FCHSD2: variants seen among roughly 807,000 people sequenced by gnomAD.
FCHSD2 encodes FCH and double SH3 domains 2, also known as F-BAR and double SH3 domains protein 2.
Under a neutral mutation model 108.1 loss-of-function variants are expected in FCHSD2, and 38 were observed. The observed-to-expected ratio is 0.35, with a 90% CI of 0.27 to 0.46. The LOEUF is 0.46. Ranked by LOEUF, FCHSD2 falls within the 20% of genes least tolerant of loss-of-function variation. FCHSD2 has a pLI of 1.00. For missense variants in FCHSD2, 751 were observed against 897.8 expected (o/e 0.84, Z 2.09); for synonymous variants, 279 against 314.7 (o/e 0.89, Z 1.20).
At chr11:73,090,751 A>G (rs569707734) in intron 2 of FCHSD2, among the ~76,000 whole-genome samples, 10 of 152,194 alleles carry the variant, frequency 6.6e-5, no homozygotes, top group Non-Finnish European at 1.3e-4. Flanking sequence ...CATATATATA[A>G]TGCATGTTTT....
intron 13 of FCHSD2, among the ~76,000 whole-genome samples, chr11:72,854,731 G>A (rs1404422504): frequency 1.3e-5 from 2 of 152,224 alleles, no homozygotes; most frequent in Non-Finnish European, 1.5e-5. Flanking sequence ...TTTGAGGTAT[G>A]CAGAGTAGTC....
In FCHSD2 at chr11:72,887,346, C is replaced by A. The variant is rs55669705; in HGVS notation, c.1146+124G>T. 4,451 of 649,044 alleles carry A rather than the reference C, an allele frequency of 6.9e-3. 152 individuals are homozygous for A. The African/African-American group carries it at 0.076, about 11-fold the overall frequency. 40.2% of individuals were successfully genotyped at this position (649,044 alleles called of 1,614,324 possible). A position where few individuals can be genotyped will look rare whatever the true frequency, so the allele number is the denominator to read the frequency against. On this transcript the variant is annotated intron_variant, in intron 12 of 19. Coordinates refer to ENST00000409418, the MANE Select transcript of FCHSD2 (RefSeq NM_014824.3). ...TACTCAACAAATACTACTGTGGACA[C>A]GAATGAAGACGGTGAATCACCTTCA...
chr11:72,915,457 T>G (rs1041865993), intron 9 of FCHSD2, among the ~76,000 whole-genome samples: 2 of 152,196 alleles, frequency 1.3e-5, no homozygotes, highest in Non-Finnish European at 2.9e-5. Context: ...TTATGTTCAT[T>G]GCAGCACCAT....
At position 72,849,854 on chromosome 11, in the gene FCHSD2, C is replaced by T. The variant is rs1861235882; in HGVS notation, c.1344G>A (p.Glu448=). ...NADTEREEGE[E]FEDNMDVFDD... ...CGAAAACATCCATGTTATCTTCAAA[C>T]TCTTCGCCTTCTTCTCTTTCGGTAT... The change falls in exon 14 of 20, where the codon GAG becomes GAA. Residue 448 remains glutamate (E), a synonymous_variant. Coordinates refer to ENST00000409418, the MANE Select transcript of FCHSD2 (RefSeq NM_014824.3). 1.2e-6 allele frequency: 2 copies of T among 1,613,334 alleles called. No individual in the cohort carries two copies. The highest frequency in any genetic ancestry group is 1.3e-5 in the African/African-American group (1 of 74,902).
At chr11:72,859,163 C>T (rs1442665233) in intron 13 of FCHSD2, among the ~76,000 whole-genome samples, 1 of 152,044 alleles carries the variant, frequency 6.6e-6, no homozygotes. Flanking sequence ...TGCCAGTTAC[C>T]CAGTCAACCA....
intron 8 of FCHSD2, among the ~76,000 whole-genome samples, chr11:72,933,931 A>C (rs1856244851): frequency 6.6e-6 from 1 of 151,986 alleles, no homozygotes; most frequent in Non-Finnish European, 1.5e-5. Context: ...CAACACAGCA[A>C]GACTCCATCT....
chr11:72,850,408 C>T (rs573771308), intron 13 of FCHSD2, among the ~76,000 whole-genome samples: 32 of 151,118 alleles, frequency 2.1e-4, no homozygotes, highest in African/African-American at 7.3e-4. Flanking sequence ...GACGGAGTCT[C>T]GCTCTGTTGC....
chr11:73,059,126 C>G (rs1053548798), intron 3 of FCHSD2, among the ~76,000 whole-genome samples: 1 of 152,136 alleles, frequency 6.6e-6, no homozygotes, highest in East Asian at 1.9e-4. Flanking sequence ...AGTGAGAATG[C>G]ACACTATAAT....
chr11:73,031,199 C>T (rs1003913986), intron 3 of FCHSD2, among the ~76,000 whole-genome samples: 13 of 152,088 alleles, frequency 8.5e-5, no homozygotes, highest in African/African-American at 1.2e-4. Context: ...GAATAAAGGC[C>T]GGGCACGGTG....
rs1032843545 is a variant in FCHSD2 at position 72,841,478 on chromosome 11, A to G, written c.2032T>C (p.Phe678Leu). 2 of 1,611,062 alleles carry G rather than the reference A, an allele frequency of 1.2e-6. No homozygotes were observed. Among genetic ancestry groups the G allele is most frequent in the Non-Finnish European group, 8.5e-7 (1 of 1,178,750 alleles). The change falls in exon 18 of 20, where the codon TTT (phenylalanine) becomes CTT (leucine). Residue 678 changes from phenylalanine to leucine, a missense_variant. Phe to Leu is a conservative substitution (Grantham distance 22). Transcript: ENST00000409418. ...CCGTTTGCTGAAGGAGACCGGGGAA[A>G]GTACAGGGAGCTCCTCTTATCTGGG... The part of the protein sequence containing the change: ...PSPDKRSSLY[F>L]PRSPSANEKS...
At chr11:72,937,781 T>C (rs572979179) in intron 8 of FCHSD2, among the ~76,000 whole-genome samples, 10 of 152,354 alleles carry the variant, frequency 6.6e-5, no homozygotes, top group African/African-American at 2.4e-4. Context: ...ATTTCAATTA[T>C]ACAGGGTGCT....
At chr11:72,928,960 A>G (rs1177801196) in intron 8 of FCHSD2, among the ~76,000 whole-genome samples, 1 of 150,808 alleles carries the variant, frequency 6.6e-6, no homozygotes, top group Admixed American at 6.6e-5. Context: ...CCTATGAGTG[A>G]GAACATGCGG....
chr11:73,053,145 C>CTTTT (rs771262833), intron 3 of FCHSD2, among the ~76,000 whole-genome samples: 8 of 102,944 alleles, frequency 7.8e-5, no homozygotes, highest in African/African-American at 2.2e-4. Flanking sequence ...TGCACCCAGC[C>CTTTT]TTTTTTTTTT....
At chr11:72,882,732 ACAT>A (rs1855115820) in intron 12 of FCHSD2, among the ~76,000 whole-genome samples, 1 of 152,218 alleles carries the variant, frequency 6.6e-6, no homozygotes, top group Non-Finnish European at 1.5e-5. Flanking sequence ...ATAGAGAGAC[ACAT>A]CATGTTCATG....
intron 9 of FCHSD2, among the ~76,000 whole-genome samples, chr11:72,914,291 A>C (rs2135299158): frequency 6.6e-6 from 1 of 152,334 alleles, no homozygotes. Context: ...CTGGGATTAC[A>C]GGTGTGAGTC....
intron 3 of FCHSD2, among the ~76,000 whole-genome samples, chr11:73,073,702 CTT>C (rs1859484417): frequency 6.6e-6 from 1 of 152,146 alleles, no homozygotes; most frequent in Non-Finnish European, 1.5e-5. Flanking sequence ...TAAAATTATT[CTT>C]TTTCTATAAA....
intron 9 of FCHSD2, among the ~76,000 whole-genome samples, chr11:72,907,619 T>C (rs928819508): frequency 2.0e-5 from 3 of 149,746 alleles, no homozygotes; most frequent in African/African-American, 7.4e-5. Context: ...TTTTTTTTTT[T>C]CTTGAGACGG....
intron 4 of FCHSD2, among the ~76,000 whole-genome samples, chr11:73,007,067 C>G (rs1257744048): frequency 6.6e-6 from 1 of 152,156 alleles, no homozygotes; most frequent in East Asian, 1.9e-4. Flanking sequence ...TTTTTGTCTC[C>G]TATCTTCTGT....
intron 12 of FCHSD2, among the ~76,000 whole-genome samples, chr11:72,873,466 T>C (rs1455878681): frequency 1.3e-5 from 2 of 152,238 alleles, no homozygotes; most frequent in Non-Finnish European, 2.9e-5. Context: ...TGAGTTTTAA[T>C]ATATTCTAGA....
Sources: gnomAD v4.1 joint callset for allele counts (sites outside exome capture counted in the v4.1 genomes callset) on GRCh38, gnomAD v4.1.1 for gene constraint, MANE v1.5 for transcripts, NCBI Gene and HGNC (gene_info 2026-07-23, HGNC 2026-07-21) for gene names.